Variants in URI1 observed in about 807,000 individuals in gnomAD.
The protein encoded by URI1 is URI1 prefoldin like chaperone, also known as unconventional prefoldin RPB5 interactor 1.
In URI1, 39 loss-of-function variants were observed where a neutral mutation model predicts 60.2. That is an observed-to-expected ratio of 0.65 (90% CI 0.50 to 0.85). The LOEUF (loss-of-function observed/expected upper bound fraction) is 0.85, where lower values mean the gene tolerates loss of function less well. Ranked by LOEUF, URI1 falls within the 40% of genes least tolerant of loss-of-function variation. The probability of loss-of-function intolerance (pLI) is 0.00; values close to 1 mark genes in which losing one functional copy is unlikely to be tolerated. For missense variants in URI1, 691 were observed against 665.9 expected (o/e 1.04, Z -0.42); for synonymous variants, 251 against 236.8 (o/e 1.06, Z -0.55).
rs2056033454 is a variant in URI1, at chr19:30,012,407, G to A, written c.1301G>A (p.Arg434Lys). Residue 434 changes from arginine (R) to lysine (K), a missense_variant, in exon 10 of 11, where the codon AGG becomes AAG. Arg to Lys is a conservative substitution (Grantham distance 26, BLOSUM62 2). Transcript: ENST00000392271. ...AGCAGTGCTGCTGAATTTGATGATA[G>A]GCGGGGAGTTTTGAGGAGTATCAGC... is the stretch of plus-strand genomic sequence containing the variant. ...SESSAAEFDD[R>K]RGVLRSISCE... 3 of 1,614,070 alleles carry A rather than the reference G, an allele frequency of 1.9e-6. No individual in the cohort carries two copies. Among genetic ancestry groups the A allele is most frequent in the Admixed American group, 1.7e-5 (1 of 60,014 alleles).
chr19:29,978,456 G>T (rs893957749), intron 2 of URI1, among the ~76,000 whole-genome samples: 3 of 151,934 alleles, frequency 2.0e-5, no homozygotes, highest in Admixed American at 6.6e-5. Flanking sequence ...ACTGTATTAG[G>T]TTTGAAAACT....
chr19:29,976,861 A>T (rs377730936), intron 2 of URI1, among the ~76,000 whole-genome samples: 14 of 152,364 alleles, frequency 9.2e-5, no homozygotes, highest in African/African-American at 3.4e-4. Context: ...ATATAGAAGA[A>T]GATACTTTGT....
chr19:30,003,794 A>G (rs990917721), intron 4 of URI1, among the ~76,000 whole-genome samples: 2 of 151,992 alleles, frequency 1.3e-5, no homozygotes, highest in African/African-American at 4.8e-5. Context: ...TAGCTTACCT[A>G]CCTGCCATTT....
rs145207202 is a variant in URI1 at position 29,961,232 on chromosome 19, C to T, written c.118-9961C>T. Among the ~76,000 whole-genome samples, 467 of 147,488 alleles carry T rather than the reference C, an allele frequency of 3.2e-3. 1 individual carries two copies. The highest frequency in any genetic ancestry group is 0.011 in the African/African-American group (454 of 40,042). On this transcript the variant is annotated intron_variant, in intron 1 of 10. Coordinates refer to ENST00000392271, the MANE Select transcript of URI1 (RefSeq NM_003796.3). ...CACGTTGTTGATCAACCGTAATTACCATCCATCTCCAGGCCTTTTTTTTTT... is the reference window on the plus strand; with the variant it reads ...CACGTTGTTGATCAACCGTAATTACTATCCATCTCCAGGCCTTTTTTTTTT...
chr19:29,999,044 C>A (rs2055846547), intron 4 of URI1, among the ~76,000 whole-genome samples: 1 of 151,894 alleles, frequency 6.6e-6, no homozygotes, highest in Non-Finnish European at 1.5e-5. Context: ...GAATTTATAC[C>A]AACTTAACTT....
intron 10 of URI1, among the ~76,000 whole-genome samples, chr19:30,013,555 A>G (rs767574324): frequency 6.6e-6 from 1 of 152,146 alleles, no homozygotes; most frequent in Non-Finnish European, 1.5e-5. Flanking sequence ...GTTTTTTGTA[A>G]GGACTTAGTG....
chr19:29,990,889 T>TA lies in URI1; in HGVS notation c.367+4478dup, dbSNP rs1301940290. 7.9e-5 allele frequency among the ~76,000 whole-genome samples: 12 copies of TA among 152,310 alleles called. No homozygotes were observed. In the East Asian group the frequency reaches 2.1e-3, roughly 27 times the overall value. ...TTATGTGAATTATAACTTAAATTGTTAAAAAACAAATGAATGAGCCATTTT... is the reference window on the plus strand; with the variant it reads ...TTATGTGAATTATAACTTAAATTGTTAAAAAAACAAATGAATGAGCCATTTT... On this transcript the variant is annotated intron_variant, in intron 4 of 10. Transcript: ENST00000392271.
At chr19:29,943,442 C>T (rs970362808) in intron 1 of URI1, among the ~76,000 whole-genome samples, 1 of 152,100 alleles carries the variant, frequency 6.6e-6, no homozygotes, top group African/African-American at 2.4e-5. Context: ...TTGATTCTGT[C>T]CCCTCAAGTG....
At chr19:29,976,117 A>T (rs1280040407) in intron 2 of URI1, among the ~76,000 whole-genome samples, 5 of 151,486 alleles carry the variant, frequency 3.3e-5, no homozygotes, top group Admixed American at 2.0e-4. Context: ...ATTTTTTTTT[A>T]AATAAATAAT....
chr19:29,979,047 A>T (rs996013692), intron 2 of URI1, among the ~76,000 whole-genome samples: 2 of 152,178 alleles, frequency 1.3e-5, no homozygotes, highest in African/African-American at 4.8e-5. Context: ...TTTAATTGCT[A>T]CTGTAATTAA....
intron 10 of URI1, among the ~76,000 whole-genome samples, chr19:30,013,866 TAATG>T (rs2056053360): frequency 6.6e-6 from 1 of 152,084 alleles, no homozygotes; most frequent in Non-Finnish European, 1.5e-5. Flanking sequence ...ACTCCAAAAA[TAATG>T]TAGGAGAGAG....
chr19:30,004,191 T>G (rs962417508), intron 4 of URI1: 13 of 152,096 alleles, frequency 8.5e-5, no homozygotes, highest in African/African-American at 2.9e-4. Context: ...CTGTGAGATT[T>G]TATGAACTGT....
chr19:29,976,898 CTTTAAA>C (rs373719641), intron 2 of URI1, among the ~76,000 whole-genome samples: 12 of 152,228 alleles, frequency 7.9e-5, no homozygotes, highest in African/African-American at 2.4e-4. Context: ...GGAAAGAATA[CTTTAAA>C]TTTAGACATA....
At chr19:29,945,495 C>A (rs2055092425) in intron 1 of URI1, among the ~76,000 whole-genome samples, 1 of 152,202 alleles carries the variant, frequency 6.6e-6, no homozygotes, top group Non-Finnish European at 1.5e-5. Flanking sequence ...GTGACAATAT[C>A]TGTAGTCAGC....
At chr19:29,971,146 G>C (rs760355059) in intron 1 of URI1, 47 bp from the exon 2 acceptor site, 4 of 1,593,710 alleles carry the variant, frequency 2.5e-6, no homozygotes, top group African/African-American at 2.7e-5. Flanking sequence ...TTGTAGCTCT[G>C]TGCATAGCTC....
chr19:30,007,868 C>T (rs1275540630), intron 7 of URI1, among the ~76,000 whole-genome samples: 1 of 151,982 alleles, frequency 6.6e-6, no homozygotes, highest in African/African-American at 2.4e-5. Flanking sequence ...TACTTAAATA[C>T]TTAAGATCAA....
chr19:30,012,621 A>C, intron 10 of URI1, 90 bp downstream of exon 10: 1 of 1,459,548 alleles, frequency 6.9e-7, no homozygotes, highest in Non-Finnish European at 9.2e-7. Flanking sequence ...AGATTAAATT[A>C]ATTCTAGGTT....
chr19:29,956,609 T>C (rs2055251125), intron 1 of URI1: 1 of 1,501,612 alleles, frequency 6.7e-7, no homozygotes. Context: ...CCTGGTCTCA[T>C]CTGAACCCTG....
chr19:30,011,360 G>C, intron 9 of URI1, 124 bp downstream of exon 9: 1 of 1,290,506 alleles, frequency 7.7e-7, no homozygotes. Context: ...AGTGTTCTGA[G>C]GAGTTAACTT....
Sources: allele counts gnomAD v4.1 joint callset (sites outside exome capture counted in the v4.1 genomes callset), GRCh38; gene constraint gnomAD v4.1.1; transcripts MANE v1.5; gene names NCBI Gene and HGNC (gene_info 2026-07-23, HGNC 2026-07-21).